The following TGFBRAP1 variants were observed in gnomAD, a reference collection of about 807,000 sequenced individuals.
TGFBRAP1 encodes the protein transforming growth factor beta receptor associated protein 1.
A neutral mutation model predicts 83.2 loss-of-function variants in TGFBRAP1; 20 were observed. The ratio of observed to expected loss-of-function variants is 0.24; its 90% CI spans 0.17 to 0.35. The LOEUF is 0.35. Ranked by LOEUF, TGFBRAP1 falls within the 10% of genes least tolerant of loss-of-function variation. TGFBRAP1 has a pLI of 1.00. For synonymous variants in TGFBRAP1, 415 were observed against 459.8 expected (o/e 0.90, Z 1.25); for missense variants, 950 against 1,099.4 (o/e 0.86, Z 1.92).
At chr2:105,261,518 G>A (rs147966979), downstream of TGFBRAP1, among the ~76,000 whole-genome samples, 1,116 of 152,284 alleles carry the variant, frequency 7.3e-3, 11 homozygotes, top group African/African-American at 0.024. Flanking sequence ...TTGGGAGGCC[G>A]AGGTAGGAGG....
intron 3 of TGFBRAP1, among the ~76,000 whole-genome samples, 158 bp downstream of exon 3, chr2:105,298,353 C>G (rs1678153516): frequency 6.6e-6 from 1 of 152,196 alleles, no homozygotes; most frequent in Non-Finnish European, 1.5e-5. Context: ...GTCTGTCTCC[C>G]CACTAACTGT....
In TGFBRAP1 at chr2:105,307,962, C is replaced by A. The variant is rs896792927; in HGVS notation, c.340G>T (p.Ala114Ser). 1.2e-6 allele frequency: 2 copies of A among 1,614,232 alleles called. No individual in the cohort carries two copies. Among genetic ancestry groups the A allele is most frequent in the Non-Finnish European group, 1.7e-6 (2 of 1,180,054 alleles). The change falls in exon 2 of 12, where the codon GCC (alanine) becomes TCC (serine). Residue 114 changes from alanine (A) to serine (S), a missense_variant. Coordinates refer to ENST00000393359, the MANE Select transcript of TGFBRAP1 (RefSeq NM_004257.6). ...AACGTGGCTGCCCCCTTGATGCGGG[C>A]CCCCGAAGGCACTGGCTCGAGGTTC... ...MLNLEPVPSGARIKGAATFAL... is the reference protein window; with the variant it reads ...MLNLEPVPSGSRIKGAATFAL...
In TGFBRAP1 at chr2:105,273,598, G is replaced by A. The variant is rs766230651; in HGVS notation, c.1758C>T (p.Tyr586=). 4 of 1,614,132 alleles carry A rather than the reference G, an allele frequency of 2.5e-6. No homozygotes were observed. Among genetic ancestry groups the A allele is most frequent in the South Asian group, 2.2e-5 (2 of 91,078 alleles). The change falls in exon 9 of 12, where the codon TAC becomes TAT. Residue 586 remains tyrosine (Y), a synonymous_variant. Transcript: ENST00000393359. ...PDDIINCLKK[Y]PKALVKYLEH... ...CCAGATACTTCACAAGGGCTTTAGG[G>A]TATTTTTTAAGGCAATTGATAATGT...
intron 3 of TGFBRAP1, among the ~76,000 whole-genome samples, chr2:105,296,756 C>CTTTTTTTTTTTTTTTTTT (rs60031957): frequency 6.8e-5 from 5 of 73,226 alleles, no homozygotes; most frequent in Non-Finnish European, 1.0e-4. Flanking sequence ...CTTTTTTTGC[C>CTTTTTTTTTTTTTTTTTT]TTTTTTTTTT....
chr2:105,288,268 C>T (rs1351095126), intron 4 of TGFBRAP1, among the ~76,000 whole-genome samples: 6 of 152,144 alleles, frequency 3.9e-5, no homozygotes, highest in Non-Finnish European at 7.4e-5. Context: ...CACACGGGGA[C>T]GACACAGACC....
chr2:105,273,101 A>C, intron 9 of TGFBRAP1, 87 bp from the exon 10 acceptor site: 1 of 1,524,390 alleles, frequency 6.6e-7, no homozygotes, highest in South Asian at 1.2e-5. Flanking sequence ...GGGCTTGGAG[A>C]CCGCGGCTGC....
intron 5 of TGFBRAP1, among the ~76,000 whole-genome samples, chr2:105,283,719 G>A (rs1677619447): frequency 1.3e-5 from 2 of 152,350 alleles, no homozygotes; most frequent in Middle Eastern, 3.4e-3. Context: ...TGTAAGGCAG[G>A]TGTGGCGGGC....
intron 1 of TGFBRAP1, among the ~76,000 whole-genome samples, chr2:105,314,342 C>A (rs893020828): frequency 3.3e-5 from 5 of 150,494 alleles, no homozygotes; most frequent in African/African-American, 1.2e-4. Flanking sequence ...GCTCCACCTC[C>A]CGGGTTCACG....
At chr2:105,276,921 C>CA (rs1399606081) in intron 7 of TGFBRAP1, among the ~76,000 whole-genome samples, 2 of 152,230 alleles carry the variant, frequency 1.3e-5, no homozygotes, top group Middle Eastern at 3.4e-3. Context: ...CTTGGCCCCT[C>CA]ACAAAATAAA....
chr2:105,302,159 T>C (rs1678321806), intron 2 of TGFBRAP1, among the ~76,000 whole-genome samples: 1 of 152,278 alleles, frequency 6.6e-6, no homozygotes, highest in Non-Finnish European at 1.5e-5. Context: ...CCATTTCTCA[T>C]GTACTAGACT....
intron 1 of TGFBRAP1, among the ~76,000 whole-genome samples, chr2:105,323,467 G>A (rs1025161388): frequency 3.9e-5 from 6 of 152,142 alleles, no homozygotes; most frequent in Admixed American, 3.3e-4. Context: ...CCATCATATC[G>A]TGGGTATTGA....
downstream of TGFBRAP1, among the ~76,000 whole-genome samples, chr2:105,263,046 G>A (rs541309616): frequency 3.3e-5 from 5 of 152,306 alleles, no homozygotes; most frequent in South Asian, 1.0e-3. Context: ...ATTTAACTGA[G>A]TCAGACACCA....
In TGFBRAP1 at chr2:105,273,562, C is replaced by G; in HGVS notation, c.1794G>C (p.Val598=). ...TGCTCACCTGCAGTCTCTTGTCTAT[C>G]ACAAGATGTTCCAGATACTTCACAA... ...KALVKYLEHL[V]IDKRLQKEEY... The change falls in exon 9 of 12, where the codon GTG becomes GTC. Residue 598 remains valine (V), a synonymous_variant. Coordinates refer to ENST00000393359, the MANE Select transcript of TGFBRAP1 (RefSeq NM_004257.6). 1 of 1,614,158 alleles carries G rather than the reference C, an allele frequency of 6.2e-7. No homozygotes were observed. The highest frequency in any genetic ancestry group is 8.5e-7 in the Non-Finnish European group (1 of 1,180,046).
intron 2 of TGFBRAP1, among the ~76,000 whole-genome samples, chr2:105,304,352 T>A (rs1250291737): frequency 6.6e-6 from 1 of 152,234 alleles, no homozygotes; most frequent in South Asian, 2.1e-4. Flanking sequence ...AGTTTACATA[T>A]GTTTTCTACA....
At chr2:105,298,734 G>T in intron 2 of TGFBRAP1, 29 bp from the exon 3 acceptor site, 2 of 1,530,668 alleles carry the variant, frequency 1.3e-6, no homozygotes, top group Middle Eastern at 4.1e-4. Context: ...AGTTAGGTAG[G>T]CTTCCAAATA....
intron 2 of TGFBRAP1, among the ~76,000 whole-genome samples, chr2:105,302,885 C>G (rs570548973): frequency 6.6e-6 from 1 of 152,306 alleles, no homozygotes; most frequent in East Asian, 1.9e-4. Context: ...CTTTAAAACA[C>G]AGTAATTTGA....
chr2:105,270,223 T>A (rs983632540), intron 10 of TGFBRAP1, among the ~76,000 whole-genome samples: 1 of 152,232 alleles, frequency 6.6e-6, no homozygotes, highest in African/African-American at 2.4e-5. Flanking sequence ...TCAAAATCCA[T>A]CTCTACATTA....
chr2:105,267,529 A>C lies in TGFBRAP1; in HGVS notation c.2437T>G (p.Ser813Ala), dbSNP rs1440757645. 1 of 1,614,230 alleles carries C rather than the reference A, an allele frequency of 6.2e-7. No homozygotes were observed. The highest frequency in any genetic ancestry group is 8.5e-7 in the Non-Finnish European group (1 of 1,180,052). The change falls in exon 12 of 12, where the codon TCA becomes GCA. Residue 813 changes from serine (S) to alanine (A), a missense_variant. By Grantham distance (99) the Ser-to-Ala change is moderately conservative. Coordinates refer to ENST00000393359, the MANE Select transcript of TGFBRAP1 (RefSeq NM_004257.6). ...MKLKGSSIQL[S>A]DKKLCQICQN... ...CATATCTGACAAAGCTTTTTGTCTG[A>C]GAGTTGGATTGAGCTTCCTTTCAAC...
At chr2:105,283,967 C>T (rs1240621671) in intron 5 of TGFBRAP1, among the ~76,000 whole-genome samples, 1 of 152,144 alleles carries the variant, frequency 6.6e-6, no homozygotes, top group African/African-American at 2.4e-5. Context: ...TGGAGAGAAG[C>T]AAGAATGAAC....
Sources: allele counts gnomAD v4.1 joint callset (sites outside exome capture counted in the v4.1 genomes callset), GRCh38; gene constraint gnomAD v4.1.1; transcripts MANE v1.5; gene names NCBI Gene and HGNC (gene_info 2026-07-23, HGNC 2026-07-21).